The following EML2 variants were observed in gnomAD, a reference collection of about 807,000 sequenced individuals.
EML2 encodes the protein EMAP like 2, also known as echinoderm microtubule-associated protein-like 2.
A neutral mutation model predicts 84.7 loss-of-function variants in EML2; 59 were observed. That is an observed-to-expected ratio of 0.70 (90% confidence interval 0.56 to 0.86). EML2 has a LOEUF of 0.86. EML2 is among the 40% of genes least tolerant of loss of function. The pLI, the probability that EML2 is intolerant of heterozygous loss-of-function variation, is 0.00. For synonymous variants in EML2, 352 were observed against 348.9 expected (o/e 1.01, Z -0.10); for missense variants, 818 against 855.6 (o/e 0.96, Z 0.55).
chr19:45,638,891 A>AG lies in EML2; in HGVS notation c.21-19dup. On this transcript the variant is annotated intron_variant, in intron 1 of 18. Transcript: ENST00000245925. ...TGGTTTTGCTGTCAGGAAAGGACAA[A>AG]GAAAAAAAAAGGGTCTTAGTATTCA... The AG allele has an allele frequency of 6.2e-7, 1 of 1,613,718 alleles. No homozygotes were observed. The highest frequency in any genetic ancestry group is 8.5e-7 in the Non-Finnish European group (1 of 1,179,934).
rs764995129 is a variant in EML2 at position 45,634,376 on chromosome 19, C to T, written c.275G>A (p.Ser92Asn). ...GTGTCGCTGCCTCTGCTCCTCCACG[C>T]TGTATAGCACGGCTACGGAGGCCAC... The part of the protein sequence containing the change: ...YFVASVAVLY[S>N]VEEQRQRHYL... Residue 92 changes from serine to asparagine, a missense_variant, in exon 4 of 19, where the codon AGC becomes AAC. Ser to Asn is a conservative substitution (Grantham distance 46, BLOSUM62 1). Coordinates refer to ENST00000245925, the MANE Select transcript of EML2 (RefSeq NM_012155.4). 4 of 1,614,070 alleles carry T rather than the reference C, an allele frequency of 2.5e-6. No individual in the cohort carries two copies. Among genetic ancestry groups the T allele is most frequent in the Non-Finnish European group, 3.4e-6 (4 of 1,179,980 alleles).
intron 4 of EML2, 91 bp downstream of exon 4, chr19:45,634,231 G>T: frequency 6.4e-7 from 1 of 1,560,548 alleles, no homozygotes; most frequent in Non-Finnish European, 8.8e-7. Context: ...ACCCCACAGG[G>T]TAGCAATGTG....
Position 45,609,514 on chromosome 19 carries a change from AAT to A in EML2, c.*147_*148del. The A allele has an allele frequency of 1.1e-6, 1 of 871,422 alleles. No homozygotes were observed. Among genetic ancestry groups the A allele is most frequent in the Non-Finnish European group, 1.6e-6 (1 of 638,606 alleles). The allele number at this position is 871,422 out of a possible 1,614,324, so 54.0% of individuals were successfully genotyped here. ...GTGACTCCCTCTTCCCACCCGGATA[AAT>A]AGAGACTTCTGTATGTCAGTCTACC... On this transcript the variant is annotated 3_prime_UTR_variant, in exon 19 of 19. Coordinates refer to ENST00000245925, the MANE Select transcript of EML2 (RefSeq NM_012155.4).
intron 8 of EML2, 97 bp from the exon 9 acceptor site, chr19:45,624,915 C>T: frequency 1.2e-6 from 1 of 824,216 alleles, no homozygotes; most frequent in Non-Finnish European, 2.0e-6. Flanking sequence ...AGGCAATCCC[C>T]TCTATCTATG....
In EML2 at chr19:45,613,619, A is replaced by G. The variant is rs2122600383; in HGVS notation, c.1746T>C (p.Ser582=). ...CTGAAGCCAGCAACTTCCCATCATG[A>G]GAGCGGGCCACAGCGTTGATATCAG... ...DGTDINAVAR[S]HDGKLLASAD... is the part of the protein sequence containing the mutation. Residue 582 remains serine (S), a synonymous_variant, in exon 18 of 19, where the codon TCT becomes TCC. Coordinates refer to ENST00000245925, the MANE Select transcript of EML2 (RefSeq NM_012155.4). The G allele has an allele frequency of 6.2e-7, 1 of 1,614,112 alleles. No homozygotes were observed. Among genetic ancestry groups the G allele is most frequent in the African/African-American group, 1.3e-5 (1 of 75,030 alleles).
Position 45,614,693 on chromosome 19 carries a change from C to CG in EML2, c.1604dup (p.Ala536GlyfsTer4). ...CACTGGTGATCTGCTTACAGGTAGC[C>CG]GGGTCCCCTGGGGCAGAAAATGGGA... On this transcript the variant is annotated frameshift_variant, in exon 17 of 19. Coordinates refer to ENST00000245925, the MANE Select transcript of EML2 (RefSeq NM_012155.4). LOFTEE classifies it high-confidence loss of function. The CG allele has an allele frequency of 6.2e-7, 1 of 1,613,828 alleles. No individual in the cohort carries two copies. The highest frequency in any genetic ancestry group is 8.5e-7 in the Non-Finnish European group (1 of 1,179,804).
chr19:45,642,453 C>T (rs1326300132), upstream of EML2: 11 of 1,460,208 alleles, frequency 7.5e-6, no homozygotes, highest in East Asian at 2.8e-4. Context: ...CCAGCCACGC[C>T]CCTTTCCTGT....
rs576798996 is a variant in EML2 at position 45,613,638 on chromosome 19, A to T, written c.1727T>A (p.Ile576Asn). The T allele has an allele frequency of 1.5e-5, 24 of 1,614,064 alleles. No homozygotes were observed. Among genetic ancestry groups the T allele is most frequent in the Non-Finnish European group, 1.9e-5 (23 of 1,179,984 alleles). ...IWSEGADGTD[I>N]NAVARSHDGK... ...ATCATGAGAGCGGGCCACAGCGTTG[A>T]TATCAGTGCCGTCCGCCCCCTCAGA... The change falls in exon 18 of 19, where the codon ATC becomes AAC. Residue 576 changes from isoleucine to asparagine, a missense_variant. Transcript: ENST00000245925.
intron 10 of EML2, 69 bp downstream of exon 10, chr19:45,621,414 G>C: frequency 1.3e-6 from 2 of 1,574,002 alleles, no homozygotes; most frequent in South Asian, 2.3e-5. Context: ...GGAGGGTCTG[G>C]CGTTGGGAGC....
At chr19:45,637,667 C>CTTT (rs58180181) in intron 3 of EML2, among the ~76,000 whole-genome samples, 20 of 48,908 alleles carry the variant, frequency 4.1e-4, no homozygotes, top group South Asian at 7.6e-4. Flanking sequence ...TTTTTCTTTT[C>CTTT]TTTTTTTTTT....
upstream of EML2, among the ~76,000 whole-genome samples, chr19:45,643,323 C>T (rs1014925169): frequency 7.9e-5 from 12 of 152,226 alleles, no homozygotes; most frequent in African/African-American, 2.9e-4. Flanking sequence ...GCAGGCAGCG[C>T]ATGGCAGACC....
upstream of EML2, chr19:45,642,733 C>A (rs559869920): frequency 6.5e-5 from 11 of 168,414 alleles, no homozygotes; most frequent in East Asian, 2.0e-3. Flanking sequence ...GAGGCCGAGG[C>A]GGGCGTATCA....
intron 8 of EML2, among the ~76,000 whole-genome samples, chr19:45,625,334 G>A (rs1057215344): frequency 2.6e-5 from 4 of 152,184 alleles, no homozygotes; most frequent in Admixed American, 6.6e-5. Context: ...TCCACCTCCC[G>A]GGTTCAAGCG....
upstream of EML2, chr19:45,644,673 C>T (rs1314085822): frequency 2.2e-6 from 1 of 455,962 alleles, no homozygotes; most frequent in Non-Finnish European, 4.4e-6. Context: ...TCCCACTTTT[C>T]CCTCCCAACT....
upstream of EML2, chr19:45,643,774 C>T (rs1974813259): frequency 1.3e-6 from 2 of 1,486,246 alleles, no homozygotes; most frequent in African/African-American, 1.4e-5. Context: ...AATCGCCTGC[C>T]GAGGCTTGCC....
intron 18 of EML2, among the ~76,000 whole-genome samples, chr19:45,612,882 G>A (rs998431217): frequency 3.0e-5 from 4 of 134,996 alleles, no homozygotes; most frequent in Non-Finnish European, 4.6e-5. Flanking sequence ...TAAAATTAAC[G>A]TCCAGCTTTT....
At chr19:45,636,719 G>C (rs1365091441) in intron 3 of EML2, among the ~76,000 whole-genome samples, 1 of 152,256 alleles carries the variant, frequency 6.6e-6, no homozygotes, top group Non-Finnish European at 1.5e-5. Flanking sequence ...GGCCGAGGCA[G>C]GTGGATCACT....
chr19:45,610,990 G>A (rs572074570), intron 18 of EML2, among the ~76,000 whole-genome samples: 2 of 152,258 alleles, frequency 1.3e-5, no homozygotes, highest in African/African-American at 2.4e-5. Context: ...TTGGACCCTG[G>A]TTCAAACAAA....
At chr19:45,642,191 G>T (rs1974591927), upstream of EML2, 10 of 1,532,324 alleles carry the variant, frequency 6.5e-6, no homozygotes, top group Admixed American at 1.4e-4. Context: ...CCCCGCGCGC[G>T]TAGCGCCGCT....
Sources: gnomAD v4.1 joint callset for allele counts (sites outside exome capture counted in the v4.1 genomes callset) on GRCh38, gnomAD v4.1.1 for gene constraint, MANE v1.5 for transcripts, NCBI Gene and HGNC (gene_info 2026-07-23, HGNC 2026-07-21) for gene names.